Variants in RYR2 observed in about 807,000 individuals in gnomAD.
RYR2 encodes cardiac muscle ryanodine receptor-calcium release channel.
RYR2 carries 227 observed loss-of-function variants against 601.1 expected under a neutral mutation model. That is an observed-to-expected ratio of 0.38 (90% CI 0.34 to 0.42). The LOEUF is 0.42. RYR2 is among the 10% of genes least tolerant of loss of function. The pLI is 1.00. For synonymous variants in RYR2, 2,223 were observed against 2,175.1 expected, an observed-to-expected ratio of 1.02 and a Z score of -0.61; for missense variants, 4,646 against 6,156.5, an observed-to-expected ratio of 0.75 and a Z score of 8.21.
chr1:237,656,462 A>G (rs1362249875), intron 53 of RYR2, among the ~76,000 whole-genome samples: 1 of 152,192 alleles, frequency 6.6e-6, no homozygotes, highest in East Asian at 1.9e-4. Context: ...GCAGCACAAG[A>G]TGGAAGGGAA....
chr1:237,542,166 T>C (rs1669357693), intron 25 of RYR2, among the ~76,000 whole-genome samples: 1 of 152,050 alleles, frequency 6.6e-6, no homozygotes, highest in Non-Finnish European at 1.5e-5. Context: ...CCATCTCGGC[T>C]CACCGCAAGC....
chr1:237,560,097 G>T (rs995172419), intron 27 of RYR2, among the ~76,000 whole-genome samples: 5 of 152,208 alleles, frequency 3.3e-5, no homozygotes, highest in Admixed American at 3.3e-4. Context: ...GAGCCTCAAG[G>T]TCTTTCAGAG....
chr1:237,668,414 A>T (rs571388164), intron 58 of RYR2, among the ~76,000 whole-genome samples: 1 of 152,148 alleles, frequency 6.6e-6, no homozygotes, highest in African/African-American at 2.4e-5. Context: ...TCTCTTAGTT[A>T]TTTCTCAAGT....
chr1:237,166,053 A>T (rs1664258053), intron 1 of RYR2, among the ~76,000 whole-genome samples: 1 of 152,040 alleles, frequency 6.6e-6, no homozygotes, highest in South Asian at 2.1e-4. Flanking sequence ...TAAAGTGAAA[A>T]ACTGTTTGAA....
rs1660025431 is a variant in RYR2 at position 237,042,482 on chromosome 1, C to T, written c.-40C>T. ...GGGCCGCCGCCGCCGCCGAGCTCCG[C>T]GGGGCTCGGGAGCCGGCCCCGGCGA... On this transcript the variant is annotated 5_prime_UTR_variant, in exon 1 of 105. Coordinates refer to ENST00000366574, the MANE Select transcript of RYR2 (RefSeq NM_001035.3). 2.4e-6 allele frequency: 3 copies of T among 1,243,294 alleles called. No individual in the cohort carries two copies. The highest frequency in any genetic ancestry group is 4.1e-5 in the South Asian group (1 of 24,374). 77.0% of individuals were successfully genotyped at this position (1,243,294 alleles called of 1,614,324 possible). A position where few individuals can be genotyped will look rare whatever the true frequency, so the allele number is the denominator to read the frequency against.
Position 237,726,271 on chromosome 1 carries a change from AG to A in RYR2, c.10690-1del. 1.3e-6 allele frequency: 2 copies of A among 1,577,224 alleles called. No homozygotes were observed. Among genetic ancestry groups the A allele is most frequent in the Non-Finnish European group, 1.7e-6 (2 of 1,155,418 alleles). ...CTAACATAACATTTTTATTTCTTTC[AG>A]AAGTCTAAACGTGTGGGTCGGAGAC... On this transcript the variant is annotated splice_acceptor_variant, in intron 74 of 104. Coordinates refer to ENST00000366574, the MANE Select transcript of RYR2 (RefSeq NM_001035.3). LOFTEE classifies it high-confidence loss of function.
rs1689604978 is a variant in RYR2, at chr1:237,270,748, A to G, written c.168+132A>G. 7 of 1,047,950 alleles carry G rather than the reference A, an allele frequency of 6.7e-6. No individual in the cohort carries two copies. The South Asian group carries it at 1.2e-4, about 18-fold the overall frequency. 64.9% of individuals were successfully genotyped at this position (1,047,950 alleles called of 1,614,324 possible). On this transcript the variant is annotated intron_variant, in intron 2 of 104. Transcript: ENST00000366574. ...TGAAAGGGATATAACAATGTTTTCCATCTCCATTTTGCTGATTTTTAATTG... is the reference window on the plus strand; with the variant it reads ...TGAAAGGGATATAACAATGTTTTCCGTCTCCATTTTGCTGATTTTTAATTG...
At chr1:237,188,689 C>T (rs1679637740) in intron 1 of RYR2, among the ~76,000 whole-genome samples, 1 of 152,068 alleles carries the variant, frequency 6.6e-6, no homozygotes, top group Admixed American at 6.6e-5. Context: ...TCTCAGCCTC[C>T]CGAGTAGCTG....
At chr1:237,474,110 C>T (rs934524641) in intron 17 of RYR2, among the ~76,000 whole-genome samples, 9 of 151,644 alleles carry the variant, frequency 5.9e-5, no homozygotes, top group Non-Finnish European at 1.3e-4. Context: ...GCTGAGCTGC[C>T]GTCAGCCCTG....
chr1:237,723,302 A>G (rs1269230539), intron 74 of RYR2, 40 bp downstream of exon 74: 1 of 1,542,862 alleles, frequency 6.5e-7, no homozygotes. Flanking sequence ...TGCCTTAGCC[A>G]CATACAAATA....
intron 1 of RYR2, among the ~76,000 whole-genome samples, chr1:237,043,222 G>A (rs1660143678): frequency 6.6e-6 from 1 of 152,194 alleles, no homozygotes; most frequent in South Asian, 2.1e-4. Flanking sequence ...GGTTCCCGGG[G>A]CTGGTGCCAT....
At chr1:237,387,513 T>C in intron 9 of RYR2, 133 bp downstream of exon 9, 1 of 738,248 alleles carries the variant, frequency 1.4e-6, no homozygotes, top group Non-Finnish European at 2.2e-6. Flanking sequence ...TGCAGATACC[T>C]GACATTTGAG....
intron 61 of RYR2, 29 bp from the exon 62 acceptor site, chr1:237,680,427 T>C: frequency 6.2e-7 from 1 of 1,600,212 alleles, no homozygotes; most frequent in Non-Finnish European, 8.5e-7. Flanking sequence ...TTCCACTACG[T>C]AGATCTGTCT....
intron 17 of RYR2, among the ~76,000 whole-genome samples, chr1:237,473,410 C>T (rs567498184): frequency 3.6e-4 from 31 of 86,632 alleles, no homozygotes; most frequent in Non-Finnish European, 2.6e-4. Context: ...GGCGACAGAA[C>T]GAGACTCCAT....
chr1:237,358,292 G>A (rs1699471618), intron 4 of RYR2, among the ~76,000 whole-genome samples: 1 of 152,204 alleles, frequency 6.6e-6, no homozygotes, highest in East Asian at 1.9e-4. Flanking sequence ...AAGTTAACTT[G>A]TCAGGAATCG....
At chr1:237,222,577 A>G (rs571437733) in intron 1 of RYR2, among the ~76,000 whole-genome samples, 1 of 152,060 alleles carries the variant, frequency 6.6e-6, no homozygotes, top group African/African-American at 2.4e-5. Context: ...CTTTTTCCCT[A>G]TATTTTTGAT....
At position 237,718,469 on chromosome 1, in the gene RYR2, C is replaced by T; in HGVS notation, c.10502C>T (p.Thr3501Ile). ...LAKNRFSLKD[T>I]EDEVRDIIRS... ...ACATATATTTCTTGACAGAAAGATA[C>T]CGAGGATGAAGTACGAGATATAATC... Residue 3501 changes from threonine to isoleucine, a missense_variant, in exon 73 of 105, where the codon ACC becomes ATC. Coordinates refer to ENST00000366574, the MANE Select transcript of RYR2 (RefSeq NM_001035.3). The T allele has an allele frequency of 1.9e-6, 3 of 1,567,836 alleles. No individual in the cohort carries two copies. Among genetic ancestry groups the T allele is most frequent in the Non-Finnish European group, 2.6e-6 (3 of 1,140,130 alleles).
chr1:237,536,066 G>C (rs1312483334), intron 25 of RYR2, among the ~76,000 whole-genome samples: 2 of 151,814 alleles, frequency 1.3e-5, no homozygotes, highest in Non-Finnish European at 2.9e-5. Flanking sequence ...AGTGAGACAA[G>C]AAAAAAATCA....
chr1:237,208,674 T>C (rs1055211431), intron 1 of RYR2, among the ~76,000 whole-genome samples: 2 of 151,904 alleles, frequency 1.3e-5, no homozygotes, highest in Non-Finnish European at 2.9e-5. Context: ...CTAATGAACG[T>C]ATTTATGACC....
Sources: allele counts gnomAD v4.1 joint callset (sites outside exome capture counted in the v4.1 genomes callset), GRCh38; gene constraint gnomAD v4.1.1; transcripts MANE v1.5; gene names NCBI Gene and HGNC (gene_info 2026-07-23, HGNC 2026-07-21).